The following SLC49A4 variants were observed in gnomAD, a reference collection of about 807,000 sequenced individuals.
SLC49A4 encodes the protein disrupted in renal cancer protein 2.
SLC49A4 carries 36 observed loss-of-function variants against 50.6 expected under a neutral mutation model. The observed-to-expected ratio is 0.71, with a 90% CI of 0.55 to 0.94. The LOEUF (loss-of-function observed/expected upper bound fraction) is 0.94, where lower values mean the gene tolerates loss of function less well. Among genes scored for constraint, SLC49A4 ranks in the 40% least tolerant of loss-of-function variants. The pLI, the probability that SLC49A4 is intolerant of heterozygous loss-of-function variation, is 0.00. For missense variants in SLC49A4, 503 were observed against 605.7 expected (o/e 0.83, Z 1.78); for synonymous variants, 248 against 241.2 (o/e 1.03, Z -0.26).
intron 5 of SLC49A4, among the ~76,000 whole-genome samples, chr3:122,855,810 G>A (rs952567879): frequency 6.6e-6 from 1 of 152,178 alleles, no homozygotes; most frequent in African/African-American, 2.4e-5. Context: ...GTAAATGACA[G>A]GGCTGGAAAT....
chr3:122,845,369 A>G (rs1373341153), intron 4 of SLC49A4, among the ~76,000 whole-genome samples: 1 of 152,132 alleles, frequency 6.6e-6, no homozygotes, highest in East Asian at 1.9e-4. Flanking sequence ...TCTACCATTT[A>G]TGGCCATTTA....
At chr3:122,811,436 C>T (rs1936297267) in intron 2 of SLC49A4, among the ~76,000 whole-genome samples, 1 of 152,122 alleles carries the variant, frequency 6.6e-6, no homozygotes, top group Non-Finnish European at 1.5e-5. Context: ...TGTTCTATGC[C>T]TGAGATGTGG....
chr3:122,804,829 A>C (rs1051507188), intron 1 of SLC49A4, among the ~76,000 whole-genome samples: 1 of 152,212 alleles, frequency 6.6e-6, no homozygotes, highest in African/African-American at 2.4e-5. Flanking sequence ...ATTTACTCTT[A>C]AAAGTTTATA....
At chr3:122,865,897 C>T (rs1278156056) in intron 7 of SLC49A4, among the ~76,000 whole-genome samples, 1 of 152,164 alleles carries the variant, frequency 6.6e-6, no homozygotes, top group Non-Finnish European at 1.5e-5. Flanking sequence ...CTTGATTCTA[C>T]TCCTTAAGAT....
intron 2 of SLC49A4, among the ~76,000 whole-genome samples, chr3:122,813,943 G>A (rs1271252814): frequency 6.6e-6 from 1 of 152,042 alleles, no homozygotes; most frequent in Non-Finnish European, 1.5e-5. Context: ...ACAGGATAAG[G>A]GAAAATGAAT....
At chr3:122,808,154 T>C (rs1390989749) in intron 2 of SLC49A4, among the ~76,000 whole-genome samples, 1 of 152,184 alleles carries the variant, frequency 6.6e-6, no homozygotes, top group African/African-American at 2.4e-5. Context: ...AAAATTACTA[T>C]GTAATGTAGT....
chr3:122,831,931 C>G (rs34776457), intron 3 of SLC49A4, among the ~76,000 whole-genome samples: 4 of 150,390 alleles, frequency 2.7e-5, no homozygotes, highest in African/African-American at 9.8e-5. Flanking sequence ...CTTGTTGCTC[C>G]TTAGATTGAC....
chr3:122,875,296 C>T (rs1028562067), intron 8 of SLC49A4, among the ~76,000 whole-genome samples: 5 of 152,252 alleles, frequency 3.3e-5, no homozygotes, highest in East Asian at 1.9e-4. Context: ...AAAACTCACC[C>T]AGAAGTTAAT....
At chr3:122,866,090 G>GT (rs1343404423) in intron 7 of SLC49A4, among the ~76,000 whole-genome samples, 3 of 151,934 alleles carry the variant, frequency 2.0e-5, no homozygotes, top group Non-Finnish European at 4.4e-5. Context: ...GGAGTACACT[G>GT]GTGCGACCTT....
chr3:122,825,902 A>G (rs988096391), intron 2 of SLC49A4, among the ~76,000 whole-genome samples: 1 of 152,190 alleles, frequency 6.6e-6, no homozygotes, highest in African/African-American at 2.4e-5. Context: ...GTCAACAAGG[A>G]ACAGGAGTGC....
At position 122,869,226 on chromosome 3, in the gene SLC49A4, C is replaced by G. The variant is rs975740386; in HGVS notation, c.1139-3189C>G. On this transcript the variant is annotated intron_variant, in intron 7 of 8. Coordinates refer to ENST00000261038, the MANE Select transcript of SLC49A4 (RefSeq NM_032839.3). ...GAAAAGTCTCTACTCTCCTGTGACC[C>G]CCCCCAGTTTTCCTCTCTAAAGGCA... Among the ~76,000 whole-genome samples, 7 of 151,938 alleles carry G rather than the reference C, an allele frequency of 4.6e-5. No homozygotes were observed. In the South Asian group the frequency reaches 1.5e-3, roughly 32 times the overall value.
At chr3:122,834,212 G>GT (rs1936644417) in intron 4 of SLC49A4, among the ~76,000 whole-genome samples, 1 of 152,126 alleles carries the variant, frequency 6.6e-6, no homozygotes, top group South Asian at 2.1e-4. Context: ...TCCCCAGATG[G>GT]TAAGTTTCTT....
At chr3:122,822,959 C>T (rs941144733) in intron 2 of SLC49A4, among the ~76,000 whole-genome samples, 13 of 152,152 alleles carry the variant, frequency 8.5e-5, no homozygotes, top group African/African-American at 2.9e-4. Context: ...CCAGACCATC[C>T]GCCCTCCACC....
At chr3:122,816,076 A>G (rs1312943571) in intron 2 of SLC49A4, among the ~76,000 whole-genome samples, 2 of 152,142 alleles carry the variant, frequency 1.3e-5, no homozygotes, top group Non-Finnish European at 2.9e-5. Context: ...TTGGGTACCC[A>G]TCCCAGATTT....
At chr3:122,871,624 G>C (rs954842097) in intron 7 of SLC49A4, among the ~76,000 whole-genome samples, 1 of 152,050 alleles carries the variant, frequency 6.6e-6, no homozygotes, top group Admixed American at 6.6e-5. Flanking sequence ...TCTAAATAGG[G>C]TATCATTCTT....
At chr3:122,829,853 A>T (rs1038136991) in intron 3 of SLC49A4, among the ~76,000 whole-genome samples, 2 of 152,224 alleles carry the variant, frequency 1.3e-5, no homozygotes, top group Admixed American at 1.3e-4. Flanking sequence ...GGTTCTAGGC[A>T]GTATCACTGA....
chr3:122,839,416 T>G (rs1290324555), intron 4 of SLC49A4, among the ~76,000 whole-genome samples: 1 of 152,056 alleles, frequency 6.6e-6, no homozygotes, highest in Admixed American at 6.6e-5. Flanking sequence ...AAAGTTTCTG[T>G]ACAGCAAAAG....
chr3:122,810,679 T>C (rs1936286526), intron 2 of SLC49A4, among the ~76,000 whole-genome samples: 1 of 152,240 alleles, frequency 6.6e-6, no homozygotes, highest in African/African-American at 2.4e-5. Flanking sequence ...ATCTTTTCAG[T>C]TCGGTGTAAT....
intron 3 of SLC49A4, among the ~76,000 whole-genome samples, chr3:122,832,886 A>G (rs113294648): frequency 1.1e-4 from 17 of 152,238 alleles, no homozygotes; most frequent in African/African-American, 3.6e-4. Flanking sequence ...TTATCTCTAT[A>G]CGTCTCAGAC....
Sources: gnomAD v4.1 joint callset for allele counts (sites outside exome capture counted in the v4.1 genomes callset) on GRCh38, gnomAD v4.1.1 for gene constraint, MANE v1.5 for transcripts, NCBI Gene and HGNC (gene_info 2026-07-23, HGNC 2026-07-21) for gene names.